RPS6KA6: variants seen among roughly 807,000 people sequenced by gnomAD.
The protein encoded by RPS6KA6 is ribosomal protein S6 kinase A6.
In RPS6KA6, 27 loss-of-function variants were observed where a neutral mutation model predicts 65.4. That is an observed-to-expected ratio of 0.41 (90% CI 0.30 to 0.57). The LOEUF (loss-of-function observed/expected upper bound fraction) is 0.57. Among genes scored for constraint, RPS6KA6 ranks in the 20% least tolerant of loss-of-function variants. The pLI is 0.24. For missense variants in RPS6KA6, 486 were observed against 555.6 expected (o/e 0.87, Z 1.26); for synonymous variants, 190 against 184.2 (o/e 1.03, Z -0.26).
In RPS6KA6 at chrX:84,066,252, G is replaced by C. The variant is rs192825370; in HGVS notation, c.1972-1141C>G. The stretch of plus-strand genomic sequence containing the variant: ...ACCCAGTGGTGCCTGGAATCCCAGC[G>C]AGACAGAACCATTCACTCCTCTGGA... On this transcript the variant is annotated intron_variant, in intron 20 of 21. Transcript: ENST00000262752. 5.3e-3 allele frequency among the ~76,000 whole-genome samples: 559 copies of C among 105,213 alleles called. 2 individuals are homozygous for C. The highest frequency in any genetic ancestry group is 8.3e-3 in the Non-Finnish European group (425 of 51,390). The allele number at this position is 105,213 out of a possible 115,157, so 91.4% of individuals were successfully genotyped here. A position where few individuals can be genotyped will look rare whatever the true frequency, so the allele number is the denominator to read the frequency against.
Position 84,106,501 on chromosome X carries a change from A to G in RPS6KA6, c.1243-14T>C, listed in dbSNP as rs1314086706. On this transcript the variant is annotated splice_polypyrimidine_tract_variant and intron_variant, in intron 14 of 21. Transcript: ENST00000262752. ...ATTTCCATTTATCTGTTTATTTTTA[A>G]AAAGTAAAATACTAAGGAGAATGAA... 1 of 1,051,160 alleles carries G rather than the reference A, an allele frequency of 9.5e-7. No individual in the cohort carries two copies. Among genetic ancestry groups the G allele is most frequent in the South Asian group, 2.1e-5 (1 of 47,826 alleles). 86.6% of individuals were successfully genotyped at this position (1,051,160 alleles called of 1,213,427 possible). A position where few individuals can be genotyped will look rare whatever the true frequency, so the allele number is the denominator to read the frequency against.
intron 2 of RPS6KA6, among the ~76,000 whole-genome samples, chrX:84,159,064 A>G (rs1435487016): frequency 9.0e-6 from 1 of 110,960 alleles, no homozygotes; most frequent in African/African-American, 3.3e-5. Context: ...GCGTGCACAC[A>G]CATATACACA....
chrX:84,070,949 A>C (rs778277843), intron 20 of RPS6KA6, among the ~76,000 whole-genome samples: 9 of 111,725 alleles, frequency 8.1e-5, no homozygotes, highest in African/African-American at 2.9e-4. Context: ...ATATGTCAAC[A>C]GTTTTCAGGA....
At chrX:84,083,739 T>C (rs1239753177) in intron 20 of RPS6KA6, among the ~76,000 whole-genome samples, 3 of 112,272 alleles carry the variant, frequency 2.7e-5, no homozygotes, top group African/African-American at 6.5e-5. Context: ...ATATACCCAG[T>C]AATGGGATTG....
At chrX:84,091,227 G>T (rs1436570223) in intron 20 of RPS6KA6, among the ~76,000 whole-genome samples, 1 of 112,157 alleles carries the variant, frequency 8.9e-6, no homozygotes, top group Non-Finnish European at 1.9e-5. Flanking sequence ...AAATCTCACT[G>T]CTTACTGCAA....
intron 8 of RPS6KA6, among the ~76,000 whole-genome samples, chrX:84,128,567 A>G (rs2034840129): frequency 8.9e-6 from 1 of 111,950 alleles, no homozygotes; most frequent in Non-Finnish European, 1.9e-5. Flanking sequence ...CACAAAAAGA[A>G]CAAAACTGGA....
chrX:84,153,809 GA>G (rs1007019979), intron 3 of RPS6KA6, among the ~76,000 whole-genome samples: 71 of 109,901 alleles, frequency 6.5e-4, no homozygotes, highest in African/African-American at 2.0e-3. Context: ...ATCCTAGGGG[GA>G]AAAAAAAGCC....
intron 3 of RPS6KA6, among the ~76,000 whole-genome samples, chrX:84,152,844 A>C (rs529851467): frequency 2.7e-5 from 3 of 111,655 alleles, no homozygotes; most frequent in African/African-American, 9.7e-5. Context: ...ATTTGAGGAT[A>C]GGGTGCTTAA....
At chrX:84,176,884 C>A (rs2035777979) in intron 1 of RPS6KA6, among the ~76,000 whole-genome samples, 1 of 111,928 alleles carries the variant, frequency 8.9e-6, no homozygotes, top group Non-Finnish European at 1.9e-5. Context: ...TATTACACAA[C>A]CTTAGCTTGA....
At chrX:84,094,687 T>A (rs2034119082) in intron 20 of RPS6KA6, among the ~76,000 whole-genome samples, 2 of 110,210 alleles carry the variant, frequency 1.8e-5, no homozygotes, top group South Asian at 7.6e-4. Flanking sequence ...CATAAATAAA[T>A]AAAAGACCTT....
rs2033309284 is a variant in RPS6KA6, at chrX:84,062,021, G to C, written c.*2256C>G. ...CTACTGTGGTTAAGCTAGCATATTT[G>C]AGTTTTTCACTAGAAAACTCTCAAA... On this transcript the variant is annotated 3_prime_UTR_variant, in exon 22 of 22. Transcript: ENST00000262752. The C allele has an allele frequency of 9.0e-6, 1 of 111,134 alleles. No individual in the cohort carries two copies. Among genetic ancestry groups the C allele is most frequent in the African/African-American group, 3.3e-5 (1 of 30,613 alleles). 9.2% of individuals were successfully genotyped at this position (111,134 alleles called of 1,213,427 possible).
intron 12 of RPS6KA6, among the ~76,000 whole-genome samples, chrX:84,109,271 A>G (rs899876254): frequency 6.3e-5 from 7 of 111,029 alleles, no homozygotes; most frequent in Middle Eastern, 4.2e-3. Context: ...CAACTATTTC[A>G]CCTGTTACCT....
At position 84,084,546 on chromosome X, in the gene RPS6KA6, C is replaced by CT. The variant is rs1156405632; in HGVS notation, c.1971+11647dup. Reference sequence around the variant, plus strand: ...GATGTGTAGTCTTATTTCTGAGTTTCTATTCTGTTCCATTGGTCTATGTGT... The same window carrying CT: ...GATGTGTAGTCTTATTTCTGAGTTTCTTATTCTGTTCCATTGGTCTATGTGT... On this transcript the variant is annotated intron_variant, in intron 20 of 21. Transcript: ENST00000262752. Among the ~76,000 whole-genome samples, 3 of 111,689 alleles carry CT rather than the reference C, an allele frequency of 2.7e-5. No homozygotes were observed. The Admixed American group carries it at 2.8e-4, about 11-fold the overall frequency.
rs979659074 is a variant in RPS6KA6, at chrX:84,113,108, T to G, written c.1008+3121A>C. Among the ~76,000 whole-genome samples, 4 of 111,081 alleles carry G rather than the reference T, an allele frequency of 3.6e-5. No homozygotes were observed. The Admixed American group carries it at 3.8e-4, about 11-fold the overall frequency. On this transcript the variant is annotated intron_variant, in intron 12 of 21. Coordinates refer to ENST00000262752, the MANE Select transcript of RPS6KA6 (RefSeq NM_014496.5). ...CTGGAAACATACAGTCTCCCAAGAT[T>G]GAACCAGGATGAAACAGAAAACACA...
At chrX:84,156,020 T>C in intron 3 of RPS6KA6, 55 bp downstream of exon 3, 1 of 675,156 alleles carries the variant, frequency 1.5e-6, no homozygotes, top group Non-Finnish European at 2.4e-6. Context: ...ATGTGTTCAC[T>C]TTTTTTGCTA....
chrX:84,140,131 C>T (rs375485544), intron 6 of RPS6KA6, among the ~76,000 whole-genome samples: 3 of 111,342 alleles, frequency 2.7e-5, no homozygotes, highest in African/African-American at 6.5e-5. Flanking sequence ...AGGAAAACAA[C>T]GAAGGGTTAG....
chrX:84,065,897 T>C (rs1453361921), intron 20 of RPS6KA6, among the ~76,000 whole-genome samples: 1 of 111,309 alleles, frequency 9.0e-6, no homozygotes, highest in Non-Finnish European at 1.9e-5. Flanking sequence ...GGGTGATTTC[T>C]CCATTTACAA....
chrX:84,135,770 C>T (rs1388485395), intron 6 of RPS6KA6, among the ~76,000 whole-genome samples: 1 of 111,289 alleles, frequency 9.0e-6, no homozygotes, highest in East Asian at 2.8e-4. Context: ...CAATTGTGAA[C>T]TCATCTCTGA....
intron 7 of RPS6KA6, 87 bp from the exon 8 acceptor site, chrX:84,134,906 C>A: frequency 1.5e-6 from 1 of 675,471 alleles, no homozygotes; most frequent in Non-Finnish European, 2.2e-6. Context: ...TAAGATAGGT[C>A]AGTATCTATT....
Sources: allele counts gnomAD v4.1 joint callset (sites outside exome capture counted in the v4.1 genomes callset), GRCh38; gene constraint gnomAD v4.1.1; transcripts MANE v1.5; gene names NCBI Gene and HGNC (gene_info 2026-07-23, HGNC 2026-07-21).